ST18: variants seen among roughly 807,000 people sequenced by gnomAD.
ST18 encodes suppression of tumorigenicity 18 protein.
In ST18, 50 loss-of-function variants were observed where a neutral mutation model predicts 110.0. The observed-to-expected ratio is 0.45, with a 90% CI of 0.36 to 0.58. ST18 has a LOEUF of 0.58. Among genes scored for constraint, ST18 ranks in the 20% least tolerant of loss-of-function variants. The probability of loss-of-function intolerance (pLI) is 0.00; values close to 1 mark genes in which losing one functional copy is unlikely to be tolerated. For missense variants in ST18, 1,306 were observed against 1,280.1 expected (o/e 1.02, Z -0.31); for synonymous variants, 461 against 452.4 (o/e 1.02, Z -0.24).
chr8:52,130,134 A>AGAAAGAAG (rs2048864055), intron 22 of ST18, among the ~76,000 whole-genome samples: 1 of 149,674 alleles, frequency 6.7e-6, no homozygotes, highest in African/African-American at 2.5e-5. Flanking sequence ...AAAGAAAGAA[A>AGAAAGAAG]GAAAGAAAGA....
intron 2 of ST18, among the ~76,000 whole-genome samples, chr8:52,314,266 A>G (rs374899105): frequency 1.2e-4 from 19 of 152,332 alleles, no homozygotes; most frequent in African/African-American, 4.3e-4. Flanking sequence ...CATTGCCTCC[A>G]GGCCATGGAC....
At chr8:52,364,887 A>T (rs1246467471) in intron 2 of ST18, among the ~76,000 whole-genome samples, 1 of 152,182 alleles carries the variant, frequency 6.6e-6, no homozygotes, top group East Asian at 1.9e-4. Context: ...AGGCGGGCAG[A>T]TCACCTGAGG....
chr8:52,255,526 G>A (rs1290718789), intron 2 of ST18, among the ~76,000 whole-genome samples: 1 of 152,112 alleles, frequency 6.6e-6, no homozygotes, highest in Non-Finnish European at 1.5e-5. Flanking sequence ...AAACTGTTTT[G>A]AAAACACCCT....
Position 52,373,506 on chromosome 8 carries a change from GC to G in ST18, c.-465+35821del, listed in dbSNP as rs1830999298. Among the ~76,000 whole-genome samples the G allele has an allele frequency of 1.3e-5, 2 of 151,430 alleles. 1 individual carries two copies. Among genetic ancestry groups the G allele is most frequent in the South Asian group, 4.2e-4 (2 of 4,788 alleles). ...CTCCCCTCCAGTGATCTTGTTATTC[GC>G]CCTTTCTCAGGAGCTCCTTCCCAGA... On this transcript the variant is annotated intron_variant, in intron 2 of 25. Transcript: ENST00000689386.
intron 2 of ST18, among the ~76,000 whole-genome samples, chr8:52,401,525 C>T (rs1477346201): frequency 6.6e-6 from 1 of 151,886 alleles, no homozygotes. Context: ...TTCCTCCTGA[C>T]TAGGTTATTT....
intron 17 of ST18, 106 bp downstream of exon 17, chr8:52,142,824 A>T: frequency 1.2e-6 from 1 of 802,730 alleles, no homozygotes. Flanking sequence ...GACTGGTAGA[A>T]ATCACCCTAA....
Position 52,260,330 on chromosome 8 carries a change from C to G in ST18, c.-464-30253G>C, listed in dbSNP as rs950898939. ...TATCTTTTCAATATGGCTTTCATAT[C>G]AGATGGATAAAGTTCTTGTTCTTCA... On this transcript the variant is annotated intron_variant, in intron 2 of 25. Coordinates refer to ENST00000689386, the MANE Select transcript of ST18 (RefSeq NM_001352837.2). 2.6e-5 allele frequency among the ~76,000 whole-genome samples: 4 copies of G among 152,234 alleles called. No individual in the cohort carries two copies. In the East Asian group the frequency reaches 7.7e-4, roughly 29 times the overall value.
At position 52,128,900 on chromosome 8, in the gene ST18, G is replaced by A. The variant is rs150229209; in HGVS notation, c.2667-2760C>T. Among the ~76,000 whole-genome samples the A allele has an allele frequency of 3.0e-3, 455 of 152,242 alleles. 1 individual carries two copies. The highest frequency in any genetic ancestry group is 0.01 in the African/African-American group (435 of 41,530). ...TAAACTGTACAAGTTACTTATAAGG[G>A]TGCTGTCTGTGGGCAAGAACCCTGA... On this transcript the variant is annotated intron_variant, in intron 22 of 25. Coordinates refer to ENST00000689386, the MANE Select transcript of ST18 (RefSeq NM_001352837.2).
At chr8:52,365,841 G>C (rs1348023411) in intron 2 of ST18, among the ~76,000 whole-genome samples, 6 of 151,994 alleles carry the variant, frequency 3.9e-5, no homozygotes, top group South Asian at 2.1e-4. Flanking sequence ...TTGGACTACA[G>C]GTGCATGCTA....
At chr8:52,347,795 G>A (rs1257216545) in intron 2 of ST18, among the ~76,000 whole-genome samples, 1 of 152,166 alleles carries the variant, frequency 6.6e-6, no homozygotes, top group African/African-American at 2.4e-5. Context: ...GGGAAATGGT[G>A]GAGCCTGGAT....
At chr8:52,278,785 T>A (rs911082074) in intron 2 of ST18, among the ~76,000 whole-genome samples, 1 of 152,142 alleles carries the variant, frequency 6.6e-6, no homozygotes, top group Non-Finnish European at 1.5e-5. Flanking sequence ...ACAATAATAA[T>A]AACTTGTAAC....
intron 2 of ST18, among the ~76,000 whole-genome samples, chr8:52,285,341 A>G (rs1178062302): frequency 6.6e-6 from 1 of 152,220 alleles, no homozygotes; most frequent in Non-Finnish European, 1.5e-5. Flanking sequence ...CTTACATGTA[A>G]TGACGATGGA....
intron 16 of ST18, among the ~76,000 whole-genome samples, chr8:52,143,289 A>G (rs890956973): frequency 9.2e-5 from 14 of 152,186 alleles, no homozygotes; most frequent in Non-Finnish European, 2.1e-4. Flanking sequence ...GATTGAGACC[A>G]TCCTGGCCAA....
At chr8:52,248,786 G>A (rs1454602987) in intron 2 of ST18, among the ~76,000 whole-genome samples, 1 of 152,096 alleles carries the variant, frequency 6.6e-6, no homozygotes, top group African/African-American at 2.4e-5. Context: ...CCAGATTCAA[G>A]AGAAATTAAA....
At chr8:52,315,577 T>G (rs1178976315) in intron 2 of ST18, among the ~76,000 whole-genome samples, 5 of 152,230 alleles carry the variant, frequency 3.3e-5, no homozygotes, top group Non-Finnish European at 7.3e-5. Flanking sequence ...TTATTGTATT[T>G]TCAGCCATCG....
chr8:52,158,193 ACTT>A (rs1235131371), intron 15 of ST18, among the ~76,000 whole-genome samples: 1 of 152,172 alleles, frequency 6.6e-6, no homozygotes, highest in Non-Finnish European at 1.5e-5. Flanking sequence ...TCATAAAATT[ACTT>A]CTTATTGTCA....
At chr8:52,271,799 T>C (rs1375996072) in intron 2 of ST18, among the ~76,000 whole-genome samples, 3 of 152,252 alleles carry the variant, frequency 2.0e-5, no homozygotes, top group Admixed American at 1.3e-4. Context: ...GTTTGTGGAT[T>C]ACACAGACAA....
chr8:52,226,514 C>G (rs1377158511), intron 3 of ST18, among the ~76,000 whole-genome samples: 1 of 152,232 alleles, frequency 6.6e-6, no homozygotes, highest in East Asian at 1.9e-4. Context: ...ATTAAGTTTC[C>G]TCTTTTAAAA....
intron 8 of ST18, among the ~76,000 whole-genome samples, chr8:52,195,000 T>A (rs1170930308): frequency 6.6e-6 from 1 of 152,216 alleles, no homozygotes; most frequent in African/African-American, 2.4e-5. Context: ...GTCTTTCAAT[T>A]TATACTCAAA....
Sources: allele counts gnomAD v4.1 joint callset (sites outside exome capture counted in the v4.1 genomes callset), GRCh38; gene constraint gnomAD v4.1.1; transcripts MANE v1.5; gene names NCBI Gene and HGNC (gene_info 2026-07-23, HGNC 2026-07-21).